KDM4C: variants seen among roughly 807,000 people sequenced by gnomAD.
KDM4C encodes the protein lysine-specific demethylase 4C.
In KDM4C, 81 loss-of-function variants were observed where a neutral mutation model predicts 129.3. That is an observed-to-expected ratio of 0.63 (90% CI 0.52 to 0.75). The LOEUF is 0.75. Ranked by LOEUF, KDM4C falls within the 30% of genes least tolerant of loss-of-function variation. The probability of loss-of-function intolerance (pLI) is 0.00; values close to 1 mark genes in which losing one functional copy is unlikely to be tolerated. For synonymous variants in KDM4C, 573 were observed against 456.1 expected (o/e 1.26, Z -3.26); for missense variants, 1,457 against 1,304.0 (o/e 1.12, Z -1.81).
In KDM4C at chr9:6,805,955, G is replaced by A. The variant is rs570310142; in HGVS notation, c.320+181G>A. Among the ~76,000 whole-genome samples, 568 of 152,308 alleles carry A rather than the reference G, an allele frequency of 3.7e-3. 4 individuals are homozygous for A. The highest frequency in any genetic ancestry group is 0.013 in the African/African-American group (534 of 41,566). ...GTGGTTGCTGAACATTTGACTTAAA[G>A]AAATTGCTCTTTATTTTATTATCTC... On this transcript the variant is annotated intron_variant, in intron 3 of 21. Transcript: ENST00000381309.
intron 8 of KDM4C, among the ~76,000 whole-genome samples, chr9:6,977,336 T>C (rs1040003471): frequency 5.3e-5 from 8 of 152,226 alleles, no homozygotes; most frequent in African/African-American, 1.7e-4. Flanking sequence ...CTTTAGGTTA[T>C]AATATGATAT....
intron 3 of KDM4C, among the ~76,000 whole-genome samples, chr9:6,809,470 G>C (rs1466526512): frequency 6.6e-6 from 1 of 152,092 alleles, no homozygotes; most frequent in African/African-American, 2.4e-5. Flanking sequence ...ACTCTGCTTG[G>C]CTCCTTTGAT....
At chr9:6,894,449 T>C (rs1846539415) in intron 8 of KDM4C, among the ~76,000 whole-genome samples, 1 of 152,230 alleles carries the variant, frequency 6.6e-6, no homozygotes, top group Admixed American at 6.5e-5. Flanking sequence ...TTTGTGGAAA[T>C]GTAATGCTTG....
chr9:7,157,706 A>C (rs920584581), intron 19 of KDM4C, among the ~76,000 whole-genome samples: 2 of 152,188 alleles, frequency 1.3e-5, no homozygotes, highest in African/African-American at 4.8e-5. Context: ...GATGAAGCCA[A>C]CTTGATCATG....
intron 17 of KDM4C, among the ~76,000 whole-genome samples, chr9:7,073,762 A>G (rs1239572727): frequency 6.6e-6 from 1 of 152,200 alleles, no homozygotes; most frequent in Non-Finnish European, 1.5e-5. Flanking sequence ...ACATGGTACC[A>G]TTAGCCTTGC....
At chr9:6,813,527 C>T (rs923440382) in intron 3 of KDM4C, among the ~76,000 whole-genome samples, 1 of 130,560 alleles carries the variant, frequency 7.7e-6, no homozygotes, top group East Asian at 2.3e-4. Context: ...GTCGGTTATT[C>T]TGTAGTCAAT....
chr9:6,814,594 T>A, intron 3 of KDM4C, 37 bp from the exon 4 acceptor site: 1 of 1,316,972 alleles, frequency 7.6e-7, no homozygotes, highest in Non-Finnish European at 1.1e-6. Flanking sequence ...AAAACTGACT[T>A]ACTGGTTTGT....
chr9:7,163,101 TTC>T (rs1333818556), intron 19 of KDM4C, among the ~76,000 whole-genome samples: 8 of 152,066 alleles, frequency 5.3e-5, no homozygotes, highest in African/African-American at 1.9e-4. Context: ...AGAGTGCAGG[TTC>T]TCTGTCTGCA....
At chr9:6,926,089 G>A (rs1822457008) in intron 8 of KDM4C, among the ~76,000 whole-genome samples, 1 of 152,078 alleles carries the variant, frequency 6.6e-6, no homozygotes, top group African/African-American at 2.4e-5. Context: ...GCTGGCGATG[G>A]TGAAAGTCAA....
At chr9:6,753,304 C>G (rs370839261), upstream of KDM4C, among the ~76,000 whole-genome samples, 62 of 152,296 alleles carry the variant, frequency 4.1e-4, no homozygotes, top group African/African-American at 1.3e-3. Context: ...AGTAAGCACA[C>G]CAGGCATTTA....
chr9:6,857,943 TTTTA>T (rs1840181823), intron 5 of KDM4C, among the ~76,000 whole-genome samples: 2 of 149,710 alleles, frequency 1.3e-5, no homozygotes, highest in Non-Finnish European at 3.0e-5. Context: ...TTTTTTTTTT[TTTTA>T]GAGATGGGGT....
intron 6 of KDM4C, among the ~76,000 whole-genome samples, chr9:6,887,070 G>A (rs1296414963): frequency 6.6e-6 from 1 of 152,122 alleles, no homozygotes; most frequent in Non-Finnish European, 1.5e-5. Context: ...GTGCCTTCCT[G>A]GTGCCTTCTC....
intron 21 of KDM4C, chr9:7,170,414 C>G: frequency 4.0e-6 from 4 of 989,934 alleles, no homozygotes; most frequent in Non-Finnish European, 4.8e-6. Context: ...TAAACAAAGC[C>G]TAAATGCTAG....
At chr9:6,866,590 T>C (rs1563724542) in intron 5 of KDM4C, among the ~76,000 whole-genome samples, 2 of 152,108 alleles carry the variant, frequency 1.3e-5, no homozygotes, top group Non-Finnish European at 2.9e-5. Flanking sequence ...TCTTGAGGGA[T>C]ATTTCTTTCT....
At chr9:7,048,966 A>T in intron 16 of KDM4C, 126 bp from the exon 17 acceptor site, 2 of 567,896 alleles carry the variant, frequency 3.5e-6, no homozygotes, top group East Asian at 3.2e-5. Flanking sequence ...TCTGTTTGTG[A>T]TGGATTTAGG....
intron 5 of KDM4C, among the ~76,000 whole-genome samples, chr9:6,869,834 C>T (rs1842592804): frequency 6.6e-6 from 1 of 152,252 alleles, no homozygotes; most frequent in Non-Finnish European, 1.5e-5. Flanking sequence ...TTCTGTTCCT[C>T]ACGTTCATCT....
chr9:7,089,166 A>G (rs1835494572), intron 17 of KDM4C, among the ~76,000 whole-genome samples: 1 of 152,208 alleles, frequency 6.6e-6, no homozygotes, highest in African/African-American at 2.4e-5. Flanking sequence ...AAATGTTTCT[A>G]ATTTACCATG....
intron 19 of KDM4C, among the ~76,000 whole-genome samples, chr9:7,131,334 A>G (rs1440020032): frequency 6.6e-6 from 1 of 152,164 alleles, no homozygotes; most frequent in African/African-American, 2.4e-5. Context: ...AGGCTTCCTC[A>G]GCTCACTATT....
At chr9:7,148,459 G>C (rs1564178108) in intron 19 of KDM4C, among the ~76,000 whole-genome samples, 1 of 151,898 alleles carries the variant, frequency 6.6e-6, no homozygotes, top group Non-Finnish European at 1.5e-5. Context: ...CCCAGTAGCA[G>C]TGGAGAACAG....
Sources: gnomAD v4.1 joint callset for allele counts (sites outside exome capture counted in the v4.1 genomes callset) on GRCh38, gnomAD v4.1.1 for gene constraint, MANE v1.5 for transcripts, NCBI Gene and HGNC (gene_info 2026-07-23, HGNC 2026-07-21) for gene names.